The following SYT2 variants were observed in gnomAD, a reference collection of about 807,000 sequenced individuals.
SYT2 encodes the protein synaptotagmin-2.
SYT2 carries 15 observed loss-of-function variants against 39.9 expected under a neutral mutation model. That is an observed-to-expected ratio of 0.38 (90% confidence interval 0.25 to 0.58). SYT2 has a LOEUF of 0.58. Among genes scored for constraint, SYT2 ranks in the 20% least tolerant of loss-of-function variants. The pLI, the probability that SYT2 is intolerant of heterozygous loss-of-function variation, is 0.70. For synonymous variants in SYT2, 181 were observed against 204.5 expected, an observed-to-expected ratio of 0.89 and a Z score of 0.98; for missense variants, 389 against 530.3, an observed-to-expected ratio of 0.73 and a Z score of 2.62.
At chr1:202,686,980 T>TC (rs1385968132) in intron 1 of SYT2, among the ~76,000 whole-genome samples, 1 of 152,010 alleles carries the variant, frequency 6.6e-6, no homozygotes, top group East Asian at 1.9e-4. Context: ...ACCTGACAGC[T>TC]CCCCATGCTG....
intron 1 of SYT2, among the ~76,000 whole-genome samples, chr1:202,667,154 G>A (rs1293014459): frequency 1.3e-5 from 2 of 152,240 alleles, no homozygotes; most frequent in South Asian, 2.1e-4. Context: ...AGACTCAACC[G>A]AAAGGAAAAC....
chr1:202,706,278 C>T (rs1226356676), intron 1 of SYT2, among the ~76,000 whole-genome samples: 1 of 151,958 alleles, frequency 6.6e-6, no homozygotes, highest in Non-Finnish European at 1.5e-5. Context: ...CAGGACTGAC[C>T]ACCAAGACGG....
chr1:202,652,739 G>T (rs1244865714), intron 1 of SYT2, among the ~76,000 whole-genome samples: 4 of 152,192 alleles, frequency 2.6e-5, no homozygotes, highest in African/African-American at 9.7e-5. Flanking sequence ...TGCTTCGGTG[G>T]AAAGACCCTG....
At chr1:202,699,841 T>C (rs1572687134) in intron 1 of SYT2, among the ~76,000 whole-genome samples, 1 of 152,076 alleles carries the variant, frequency 6.6e-6, no homozygotes, top group Admixed American at 6.6e-5. Context: ...TGGTCTCGTA[T>C]GTCGGTTTTC....
intron 1 of SYT2, among the ~76,000 whole-genome samples, chr1:202,663,057 T>G (rs577679902): frequency 6.6e-6 from 1 of 152,096 alleles, no homozygotes; most frequent in African/African-American, 2.4e-5. Flanking sequence ...GGCATCATCA[T>G]GAGTCCTCTT....
intron 1 of SYT2, among the ~76,000 whole-genome samples, chr1:202,666,319 C>G (rs903313194): frequency 6.6e-6 from 1 of 152,154 alleles, no homozygotes; most frequent in South Asian, 2.1e-4. Flanking sequence ...AATCTAGATC[C>G]AGTTTGCTGG....
At chr1:202,598,129 T>C (rs1690366156) in intron 8 of SYT2, among the ~76,000 whole-genome samples, 1 of 152,124 alleles carries the variant, frequency 6.6e-6, no homozygotes, top group Admixed American at 6.5e-5. Context: ...GCCTACCACT[T>C]AGGAAATGCT....
At chr1:202,627,854 C>T (rs912933149) in intron 1 of SYT2, among the ~76,000 whole-genome samples, 8 of 152,202 alleles carry the variant, frequency 5.3e-5, no homozygotes, top group Non-Finnish European at 7.3e-5. Flanking sequence ...CACAGGGAGA[C>T]GACAGAGCTC....
chr1:202,703,055 C>T (rs1411289535), intron 1 of SYT2, among the ~76,000 whole-genome samples: 1 of 152,196 alleles, frequency 6.6e-6, no homozygotes, highest in African/African-American at 2.4e-5. Context: ...AGAGGAAGGA[C>T]ATGCACAACA....
intron 1 of SYT2, among the ~76,000 whole-genome samples, chr1:202,662,008 T>A (rs1164246160): frequency 4.6e-5 from 7 of 152,082 alleles, no homozygotes; most frequent in Admixed American, 4.6e-4. Flanking sequence ...CACCCTCCAA[T>A]GAGGAGACAC....
rs1330961544 is a variant in SYT2 at position 202,599,133 on chromosome 1, A to AGGT, written c.1053+82_1053+84dup. ...CAAGAAAGGCTGTTCCATGGTCTCTAGGTGAGTTCCCTCTCTTCAACCTCC... is the reference window on the plus strand; with the variant it reads ...CAAGAAAGGCTGTTCCATGGTCTCTAGGTGGTGAGTTCCCTCTCTTCAACCTCC... On this transcript the variant is annotated intron_variant, in intron 8 of 8. Transcript: ENST00000367268. The surrounding 1 kb of genome is among the most constrained non-coding windows in gnomAD (Gnocchi z 4.4). 1 of 1,555,768 alleles carries AGGT rather than the reference A, an allele frequency of 6.4e-7. No homozygotes were observed. Among genetic ancestry groups the AGGT allele is most frequent in the African/African-American group, 1.4e-5 (1 of 71,974 alleles).
chr1:202,698,933 T>G (rs1035632983), intron 1 of SYT2, among the ~76,000 whole-genome samples: 1 of 151,954 alleles, frequency 6.6e-6, no homozygotes, highest in Non-Finnish European at 1.5e-5. Flanking sequence ...TTGTGGAGGA[T>G]TTCAGTTCTG....
In SYT2 at chr1:202,623,726, A is replaced by G. The variant is rs1691265450; in HGVS notation, c.-17-17937T>C. On this transcript the variant is annotated intron_variant, in intron 1 of 8. Coordinates refer to ENST00000367268, the MANE Select transcript of SYT2 (RefSeq NM_177402.5). This position sits in a 1 kb window ranked among gnomAD's most constrained non-coding sequence, Gnocchi z 4.2. ...GCTCTGAGTGTGAGGGAGGACGGGT[A>G]GGACTGTGGGGGTCTGCCCTGGTCG... Among the ~76,000 whole-genome samples, 1 of 152,160 alleles carries G rather than the reference A, an allele frequency of 6.6e-6. No homozygotes were observed. Among genetic ancestry groups the G allele is most frequent in the South Asian group, 2.1e-4 (1 of 4,828 alleles).
Position 202,629,875 on chromosome 1 carries a change from G to T in SYT2, c.-17-24086C>A, listed in dbSNP as rs553080682. On this transcript the variant is annotated intron_variant, in intron 1 of 8. Transcript: ENST00000367268. The stretch of plus-strand genomic sequence containing the variant: ...ACCCAGCAGGCAGCTGGTGGGGGGG[G>T]GGGGGTGGTACGGCAGGTGTGTTGC... Among the ~76,000 whole-genome samples, 44 of 125,152 alleles carry T rather than the reference G, an allele frequency of 3.5e-4. 3 individuals carry two copies. The highest frequency in any genetic ancestry group is 1.3e-3 in the African/African-American group (43 of 33,952). The allele number at this position is 125,152 out of a possible 152,430, so 82.1% of individuals were successfully genotyped here. A position where few individuals can be genotyped will look rare whatever the true frequency, so the allele number is the denominator to read the frequency against.
rs1310173314 is a variant in SYT2, at chr1:202,691,488, AAC to A, written c.-18+18768_-18+18769del. On this transcript the variant is annotated intron_variant, in intron 1 of 8. Coordinates refer to ENST00000367268, the MANE Select transcript of SYT2 (RefSeq NM_177402.5). Reference sequence around the variant, plus strand: ...ACACAGTGAGAGCCCGTCTCTATAAAACACTTAAAAAACTAGCCACATGCAGT... The same window carrying A: ...ACACAGTGAGAGCCCGTCTCTATAAAACTTAAAAAACTAGCCACATGCAGT... 2.6e-5 allele frequency among the ~76,000 whole-genome samples: 4 copies of A among 151,710 alleles called. No individual in the cohort carries two copies. In the East Asian group the frequency reaches 7.8e-4, roughly 29 times the overall value.
At chr1:202,702,085 C>A (rs565905866) in intron 1 of SYT2, among the ~76,000 whole-genome samples, 1 of 152,170 alleles carries the variant, frequency 6.6e-6, no homozygotes, top group African/African-American at 2.4e-5. Flanking sequence ...AGGGGAGGCA[C>A]GAAGACACCT....
At position 202,601,714 on chromosome 1, in the gene SYT2, C is replaced by T. The variant is rs149233346; in HGVS notation, c.801+176G>A. On this transcript the variant is annotated intron_variant, in intron 6 of 8. Coordinates refer to ENST00000367268, the MANE Select transcript of SYT2 (RefSeq NM_177402.5). This position sits in a 1 kb window ranked among gnomAD's most constrained non-coding sequence, Gnocchi z 4.0. ...TAAAAAAAGACTAAAGGAGGGAACC[C>T]GAGTCCAGAGAGTGTAAGCAACTTG... Among the ~76,000 whole-genome samples the T allele has an allele frequency of 6.6e-6, 1 of 152,280 alleles. No individual in the cohort carries two copies. Among genetic ancestry groups the T allele is most frequent in the East Asian group, 1.9e-4 (1 of 5,184 alleles).
chr1:202,618,094 G>T (rs1317422737), intron 1 of SYT2, among the ~76,000 whole-genome samples: 1 of 152,060 alleles, frequency 6.6e-6, no homozygotes, highest in Non-Finnish European at 1.5e-5. Flanking sequence ...TAGAGACGGG[G>T]TTTCACCATG....
chr1:202,661,508 C>A (rs1204431099), intron 1 of SYT2, among the ~76,000 whole-genome samples: 1 of 152,192 alleles, frequency 6.6e-6, no homozygotes, highest in African/African-American at 2.4e-5. Context: ...CGGGCTAATC[C>A]CCCAAACACG....
Sources: gnomAD v4.1 joint callset for allele counts (sites outside exome capture counted in the v4.1 genomes callset) on GRCh38, gnomAD v4.1.1 for gene constraint, Gnocchi (gnomAD v3.1) non-coding constraint, MANE v1.5 for transcripts, NCBI Gene and HGNC (gene_info 2026-07-23, HGNC 2026-07-21) for gene names.